Variants in SPSB4 observed in about 807,000 individuals in gnomAD.
SPSB4 encodes SPRY domain-containing SOCS box protein 4.
In SPSB4, 21 loss-of-function variants were observed where a neutral mutation model predicts 20.9. The observed-to-expected ratio is 1.01, with a 90% CI of 0.71 to 1.45. The LOEUF (loss-of-function observed/expected upper bound fraction) is 1.45. Ranked by LOEUF, SPSB4 falls within the 40% of genes most tolerant of loss-of-function variation. The pLI is 0.00. For missense variants in SPSB4, 399 were observed against 399.2 expected, an observed-to-expected ratio of 1.00 and a Z score of 0.00; for synonymous variants, 207 against 183.8, an observed-to-expected ratio of 1.13 and a Z score of -1.02.
chr3:141,068,761 G>A (rs931281713), intron 2 of SPSB4, among the ~76,000 whole-genome samples: 3 of 152,182 alleles, frequency 2.0e-5, no homozygotes, highest in African/African-American at 7.2e-5. Flanking sequence ...CCTGTTGTAG[G>A]CTTCCTCTTG....
rs1438960437 is a variant in SPSB4 at position 141,147,404 on chromosome 3, G to T, written c.*135G>T. ...CCCCAGGACACTCAGTTCTTTCAAA[G>T]ACCAGGATGTGGTACCAACTTTGGA... On this transcript the variant is annotated 3_prime_UTR_variant, in exon 3 of 3. Coordinates refer to ENST00000310546, the MANE Select transcript of SPSB4 (RefSeq NM_080862.3). 2.1e-6 allele frequency: 3 copies of T among 1,449,398 alleles called. No individual in the cohort carries two copies. Among genetic ancestry groups the T allele is most frequent in the Non-Finnish European group, 2.8e-6 (3 of 1,077,180 alleles). 89.8% of individuals were successfully genotyped at this position (1,449,398 alleles called of 1,614,324 possible). A position where few individuals can be genotyped will look rare whatever the true frequency, so the allele number is the denominator to read the frequency against.
intron 2 of SPSB4, among the ~76,000 whole-genome samples, chr3:141,076,680 G>A (rs1176657881): frequency 6.6e-6 from 1 of 152,160 alleles, no homozygotes; most frequent in East Asian, 1.9e-4. Context: ...TCCCGAACTT[G>A]AGTCCAGGCC....
intron 1 of SPSB4, among the ~76,000 whole-genome samples, chr3:141,059,361 C>T (rs1354872330): frequency 1.3e-5 from 2 of 152,142 alleles, no homozygotes; most frequent in Admixed American, 6.5e-5. Context: ...TTAGTTGGCT[C>T]ACGGTTCTGC....
intron 2 of SPSB4, among the ~76,000 whole-genome samples, chr3:141,119,579 G>T (rs1938931634): frequency 6.6e-6 from 1 of 152,190 alleles, no homozygotes. Context: ...GGTTTTCAAA[G>T]GGAATGCTTC....
At chr3:141,115,989 T>C (rs1938873695) in intron 2 of SPSB4, among the ~76,000 whole-genome samples, 1 of 152,188 alleles carries the variant, frequency 6.6e-6, no homozygotes, top group Non-Finnish European at 1.5e-5. Context: ...AGCTCACACT[T>C]GGAAAGGTCA....
At chr3:141,146,017 A>G (rs914913741) in intron 2 of SPSB4, among the ~76,000 whole-genome samples, 1 of 152,106 alleles carries the variant, frequency 6.6e-6, no homozygotes, top group Non-Finnish European at 1.5e-5. Context: ...GAATTATTGC[A>G]TATATTACAC....
At chr3:141,100,044 C>T (rs1044561627) in intron 2 of SPSB4, among the ~76,000 whole-genome samples, 4 of 152,208 alleles carry the variant, frequency 2.6e-5, no homozygotes, top group Admixed American at 2.0e-4. Flanking sequence ...GCTCTGCCCT[C>T]TGTGCTGACT....
intron 2 of SPSB4, among the ~76,000 whole-genome samples, chr3:141,110,295 T>C (rs1938775095): frequency 6.6e-6 from 1 of 152,190 alleles, no homozygotes; most frequent in Non-Finnish European, 1.5e-5. Flanking sequence ...TTCTTTCCAT[T>C]AACATCTCAT....
intron 2 of SPSB4, among the ~76,000 whole-genome samples, chr3:141,089,941 G>A (rs890937966): frequency 6.6e-6 from 1 of 152,106 alleles, no homozygotes; most frequent in African/African-American, 2.4e-5. Flanking sequence ...CTTGCAGTGG[G>A]GTGGGGAGAT....
intron 2 of SPSB4, among the ~76,000 whole-genome samples, chr3:141,095,230 T>A (rs1027187535): frequency 7.2e-5 from 11 of 152,096 alleles, no homozygotes; most frequent in African/African-American, 2.4e-4. Context: ...CCCGGAGAGT[T>A]GCTGTGCTGC....
chr3:141,106,383 G>A (rs1938690428), intron 2 of SPSB4, among the ~76,000 whole-genome samples: 1 of 152,100 alleles, frequency 6.6e-6, no homozygotes, highest in South Asian at 2.1e-4. Context: ...ATCCCATTAT[G>A]GCTTTTCACC....
At chr3:141,124,907 C>T (rs1370255570) in intron 2 of SPSB4, among the ~76,000 whole-genome samples, 1 of 152,124 alleles carries the variant, frequency 6.6e-6, no homozygotes, top group Admixed American at 6.5e-5. Context: ...AGCACAAGAT[C>T]CTGCATTTTC....
intron 2 of SPSB4, among the ~76,000 whole-genome samples, chr3:141,107,140 G>T (rs1938707650): frequency 6.6e-6 from 1 of 152,188 alleles, no homozygotes; most frequent in African/African-American, 2.4e-5. Flanking sequence ...GCCTGGGGTT[G>T]GGATGGGGCA....
chr3:141,125,654 T>C (rs1174275100), intron 2 of SPSB4, among the ~76,000 whole-genome samples: 1 of 152,010 alleles, frequency 6.6e-6, no homozygotes, highest in Non-Finnish European at 1.5e-5. Context: ...TTCAGGGGGA[T>C]GTATGTGGTT....
At chr3:141,085,348 G>A (rs1378315967) in intron 2 of SPSB4, among the ~76,000 whole-genome samples, 2 of 152,182 alleles carry the variant, frequency 1.3e-5, no homozygotes, top group African/African-American at 2.4e-5. Flanking sequence ...CTGGAAGCAG[G>A]CAGTGCAAGG....
At chr3:141,128,698 G>A (rs973218381) in intron 2 of SPSB4, among the ~76,000 whole-genome samples, 3 of 152,090 alleles carry the variant, frequency 2.0e-5, no homozygotes, top group Non-Finnish European at 2.9e-5. Context: ...TCCAAAGGGT[G>A]TAGTGGAAGA....
At chr3:141,134,539 A>T (rs781504440) in intron 2 of SPSB4, among the ~76,000 whole-genome samples, 2 of 150,066 alleles carry the variant, frequency 1.3e-5, no homozygotes, top group Admixed American at 7.0e-5. Flanking sequence ...GGGATGCTGG[A>T]TTTTGTCACG....
In SPSB4 at chr3:141,051,775, C is replaced by T. The variant is rs962294095; in HGVS notation, c.-371C>T. On this transcript the variant is annotated 5_prime_UTR_variant, in exon 1 of 3. In the 5' UTR this introduces an upstream ATG that the reference lacks. Coordinates refer to ENST00000310546, the MANE Select transcript of SPSB4 (RefSeq NM_080862.3). The stretch of plus-strand genomic sequence containing the variant: ...GCCTGAGCGCCAACTTCGCCAAGAA[C>T]GCTCCTAACTCCAGGCCATCCTGCA... 1 of 152,466 alleles carries T rather than the reference C, an allele frequency of 6.6e-6. No homozygotes were observed. 9.4% of individuals were successfully genotyped at this position (152,466 alleles called of 1,614,324 possible).
chr3:141,105,002 A>T (rs572378106), intron 2 of SPSB4, among the ~76,000 whole-genome samples: 1 of 152,334 alleles, frequency 6.6e-6, no homozygotes, highest in African/African-American at 2.4e-5. Flanking sequence ...TTACAGACGT[A>T]GAGAATGAGG....
Sources: gnomAD v4.1 joint callset for allele counts (sites outside exome capture counted in the v4.1 genomes callset) on GRCh38, gnomAD v4.1.1 for gene constraint, MANE v1.5 for transcripts, NCBI Gene and HGNC (gene_info 2026-07-23, HGNC 2026-07-21) for gene names.